NCOA7: variants seen among roughly 807,000 people sequenced by gnomAD.
NCOA7 encodes nuclear receptor coactivator 7.
NCOA7 carries 45 observed loss-of-function variants against 104.3 expected under a neutral mutation model. The ratio of observed to expected loss-of-function variants is 0.43; its 90% confidence interval spans 0.34 to 0.55. NCOA7 has a LOEUF of 0.55. Ranked by LOEUF, NCOA7 falls within the 20% of genes least tolerant of loss-of-function variation. NCOA7 has a pLI of 0.02. For synonymous variants in NCOA7, 398 were observed against 402.3 expected (o/e 0.99, Z 0.13); for missense variants, 1,041 against 1,119.7 (o/e 0.93, Z 1.00).
chr6:125,843,967 C>T (rs781441572), intron 2 of NCOA7, among the ~76,000 whole-genome samples: 2 of 152,146 alleles, frequency 1.3e-5, no homozygotes, highest in Non-Finnish European at 1.5e-5. Context: ...CTGGGGGATG[C>T]TTATAAGGTT....
At chr6:125,908,700 A>G (rs553584471) in intron 10 of NCOA7, among the ~76,000 whole-genome samples, 67 of 152,282 alleles carry the variant, frequency 4.4e-4, no homozygotes, top group African/African-American at 1.6e-3. Flanking sequence ...AACAGGGTGT[A>G]CTCAGTCATA....
chr6:125,852,879 CT>C (rs2128617760), intron 2 of NCOA7, among the ~76,000 whole-genome samples: 1 of 152,146 alleles, frequency 6.6e-6, no homozygotes, highest in South Asian at 2.1e-4. Context: ...CAGATTTATT[CT>C]TTTTGCTTAG....
intron 10 of NCOA7, among the ~76,000 whole-genome samples, chr6:125,900,185 G>A (rs755373059): frequency 5.3e-5 from 8 of 152,152 alleles, no homozygotes; most frequent in Non-Finnish European, 1.2e-4. Flanking sequence ...CAGGCCTGGG[G>A]TGTTGCTACA....
At chr6:125,806,925 T>C (rs1431293041) in intron 1 of NCOA7, among the ~76,000 whole-genome samples, 1 of 152,196 alleles carries the variant, frequency 6.6e-6, no homozygotes, top group Non-Finnish European at 1.5e-5. Context: ...ATAAAATGCT[T>C]TACATATTTA....
At chr6:125,841,794 T>A (rs1000493688) in intron 2 of NCOA7, among the ~76,000 whole-genome samples, 5 of 152,126 alleles carry the variant, frequency 3.3e-5, no homozygotes, top group Non-Finnish European at 7.4e-5. Context: ...ATGTAGCAAT[T>A]GGAAAAAATA....
chr6:125,831,845 A>G (rs1359015694), intron 2 of NCOA7, among the ~76,000 whole-genome samples: 2 of 152,162 alleles, frequency 1.3e-5, no homozygotes, highest in South Asian at 2.1e-4. Context: ...GCCTGTTCCT[A>G]TAGACTTCTG....
At chr6:125,785,075 C>G (rs934595363) in intron 1 of NCOA7, among the ~76,000 whole-genome samples, 2 of 152,098 alleles carry the variant, frequency 1.3e-5, no homozygotes, top group Non-Finnish European at 1.5e-5. Context: ...CGGTGGCTCA[C>G]GCCTGTAATC....
intron 1 of NCOA7, among the ~76,000 whole-genome samples, chr6:125,800,658 A>G (rs556991648): frequency 6.6e-5 from 10 of 152,364 alleles, no homozygotes; most frequent in African/African-American, 1.4e-4. Context: ...TGAACAGCAT[A>G]AGACACATTC....
chr6:125,862,162 G>A (rs1441892297), intron 3 of NCOA7, among the ~76,000 whole-genome samples: 1 of 135,488 alleles, frequency 7.4e-6, no homozygotes, highest in African/African-American at 3.1e-5. Context: ...AGTAAAAACA[G>A]TCATCAAAGC....
Position 125,889,576 on chromosome 6 carries a change from G to C in NCOA7, c.1522G>C (p.Glu508Gln). 1 of 1,613,972 alleles carries C rather than the reference G, an allele frequency of 6.2e-7. No homozygotes were observed. Among genetic ancestry groups the C allele is most frequent in the Non-Finnish European group, 8.5e-7 (1 of 1,179,988 alleles). ...KQSGSPESRV[E>Q]NTLNIHEDLD... ...GTCTGGTTCGCCAGAAAGCCGAGTA[G>C]AAAACACACTGAACATACATGAAGA... The change falls in exon 9 of 16, where the codon GAA (glutamate) becomes CAA (glutamine). Residue 508 changes from glutamate to glutamine, a missense_variant. Coordinates refer to ENST00000392477, the MANE Select transcript of NCOA7 (RefSeq NM_181782.5).
At position 125,901,713 on chromosome 6, in the gene NCOA7, C is replaced by T. The variant is rs547312562; in HGVS notation, c.2096+10903C>T. Among the ~76,000 whole-genome samples the T allele has an allele frequency of 1.3e-4, 20 of 152,286 alleles. No homozygotes were observed. The East Asian group carries it at 3.5e-3, about 26-fold the overall frequency. On this transcript the variant is annotated intron_variant, in intron 10 of 15. Coordinates refer to ENST00000392477, the MANE Select transcript of NCOA7 (RefSeq NM_181782.5). ...GTGTTAAACCAGCTTAGTGGAGAGTCAGGGTGATAGCCCTTTTCACCCTGC... is the reference window on the plus strand; with the variant it reads ...GTGTTAAACCAGCTTAGTGGAGAGTTAGGGTGATAGCCCTTTTCACCCTGC...
At position 125,930,768 on chromosome 6, in the gene NCOA7, A is replaced by G. The variant is rs1010158335; in HGVS notation, c.*1997A>G. On this transcript the variant is annotated 3_prime_UTR_variant, in exon 16 of 16. Coordinates refer to ENST00000392477, the MANE Select transcript of NCOA7 (RefSeq NM_181782.5). Reference sequence around the variant, plus strand: ...CAAGTTCTCCTACTGAGGACTCTTGACTAACAGCATACTGGCAGTTTCACC... The same window carrying G: ...CAAGTTCTCCTACTGAGGACTCTTGGCTAACAGCATACTGGCAGTTTCACC... 3 of 152,258 alleles carry G rather than the reference A, an allele frequency of 2.0e-5. No individual in the cohort carries two copies. Among genetic ancestry groups the G allele is most frequent in the Admixed American group, 6.5e-5 (1 of 15,278 alleles). 9.4% of individuals were successfully genotyped at this position (152,258 alleles called of 1,614,324 possible).
Position 125,890,806 on chromosome 6 carries a change from G to A in NCOA7, c.2092G>A (p.Glu698Lys), listed in dbSNP as rs1784571071. ...AGAGTACTGGTTTGCTGTTCCTCGG[G>A]AGAGGTGAGTATGGGCTACAATGGA... ...QPEYWFAVPR[E>K]RVDHLYTFFV... The change falls in exon 10 of 16, where the codon GAG becomes AAG. Residue 698 changes from glutamate to lysine, a missense_variant. Coordinates refer to ENST00000392477, the MANE Select transcript of NCOA7 (RefSeq NM_181782.5). 4 of 1,606,394 alleles carry A rather than the reference G, an allele frequency of 2.5e-6. No individual in the cohort carries two copies. The highest frequency in any genetic ancestry group is 2.3e-5 in the East Asian group (1 of 44,438).
intron 13 of NCOA7, among the ~76,000 whole-genome samples, chr6:125,923,099 GC>G (rs1158246375): frequency 1.3e-5 from 2 of 152,176 alleles, no homozygotes; most frequent in Admixed American, 6.5e-5. Flanking sequence ...ATTCTAAGGA[GC>G]TTTTTTCTAT....
chr6:125,870,412 T>A (rs1782792267), intron 3 of NCOA7, among the ~76,000 whole-genome samples: 1 of 152,224 alleles, frequency 6.6e-6, no homozygotes, highest in Non-Finnish European at 1.5e-5. Flanking sequence ...CAACACCACC[T>A]TCCTTTTTTC....
chr6:125,840,295 CA>C (rs1232313290), intron 2 of NCOA7, among the ~76,000 whole-genome samples: 1 of 151,800 alleles, frequency 6.6e-6, no homozygotes, highest in Non-Finnish European at 1.5e-5. Flanking sequence ...AGCTAAATAT[CA>C]AAAAGTTATT....
At chr6:125,928,570 G>C in intron 15 of NCOA7, 66 bp from the exon 16 acceptor site, 1 of 1,533,392 alleles carries the variant, frequency 6.5e-7, no homozygotes, top group South Asian at 1.3e-5. Context: ...ATGGGGGCAA[G>C]AGAGAATAGT....
upstream of NCOA7, among the ~76,000 whole-genome samples, chr6:125,787,169 A>C (rs1349348766): frequency 1.3e-5 from 2 of 151,878 alleles, no homozygotes; most frequent in African/African-American, 4.8e-5. Flanking sequence ...AGAGCTCTAG[A>C]TCAACCAGAG....
chr6:125,880,881 G>A (rs953259298), intron 5 of NCOA7, among the ~76,000 whole-genome samples: 1 of 152,050 alleles, frequency 6.6e-6, no homozygotes. Context: ...GGCATGTTCT[G>A]TACCCTTTGT....
Sources: gnomAD v4.1 joint callset for allele counts (sites outside exome capture counted in the v4.1 genomes callset) on GRCh38, gnomAD v4.1.1 for gene constraint, MANE v1.5 for transcripts, NCBI Gene and HGNC (gene_info 2026-07-23, HGNC 2026-07-21) for gene names.